The following EIF4E variants were observed in gnomAD, a reference collection of about 807,000 sequenced individuals.
The protein encoded by EIF4E is eIF-4F 25 kDa subunit.
For synonymous variants in EIF4E, 71 were observed against 88.5 expected, an observed-to-expected ratio of 0.80 and a Z score of 1.11; for missense variants, 113 against 265.6, an observed-to-expected ratio of 0.43 and a Z score of 3.99.
At chr4:98,903,511 C>CT (rs1724735933) in intron 1 of EIF4E, 4 of 454,892 alleles carry the variant, frequency 8.8e-6, no homozygotes, top group Non-Finnish European at 1.8e-5. Flanking sequence ...CTGGCTAATT[C>CT]TTTTTTATTT....
intron 6 of EIF4E, among the ~76,000 whole-genome samples, chr4:98,883,166 G>A (rs79128196): frequency 0.086 from 13,028 of 151,694 alleles, 1,237 homozygotes; most frequent in East Asian, 0.49. Context: ...CAGCTATTCA[G>A]GAGGCTGAGG....
intron 2 of EIF4E, among the ~76,000 whole-genome samples, chr4:98,901,233 T>G (rs1724634791): frequency 6.6e-6 from 1 of 151,740 alleles, no homozygotes; most frequent in South Asian, 2.1e-4. Context: ...GTTTCGCTCT[T>G]GTTGCCCAGG....
intron 1 of EIF4E, among the ~76,000 whole-genome samples, chr4:98,923,813 T>C (rs1040240273): frequency 6.6e-6 from 1 of 152,236 alleles, no homozygotes; most frequent in Non-Finnish European, 1.5e-5. Context: ...TGCATGGATA[T>C]ACATGAGTAT....
chr4:98,911,722 A>C (rs1163833097), intron 1 of EIF4E, among the ~76,000 whole-genome samples: 1 of 151,286 alleles, frequency 6.6e-6, no homozygotes, highest in Non-Finnish European at 1.5e-5. Flanking sequence ...TTTTAAAATA[A>C]ATTTTTTTAA....
At chr4:98,884,404 A>T (rs1008596808) in intron 6 of EIF4E, among the ~76,000 whole-genome samples, 1 of 152,142 alleles carries the variant, frequency 6.6e-6, no homozygotes, top group Non-Finnish European at 1.5e-5. Context: ...TTACAGAAAT[A>T]AAAAACATAT....
At chr4:98,921,480 T>C (rs1031496821) in intron 1 of EIF4E, among the ~76,000 whole-genome samples, 6 of 152,078 alleles carry the variant, frequency 3.9e-5, no homozygotes, top group Non-Finnish European at 8.8e-5. Context: ...GCAATTCTCT[T>C]GCTTCAGTCT....
At chr4:98,920,957 T>C (rs534916866) in intron 1 of EIF4E, among the ~76,000 whole-genome samples, 13 of 152,320 alleles carry the variant, frequency 8.5e-5, no homozygotes, top group Admixed American at 6.5e-4. Context: ...TTACACAAGA[T>C]AGTAATAAAG....
At chr4:98,904,026 A>G (rs1724758168) in intron 1 of EIF4E, among the ~76,000 whole-genome samples, 1 of 152,208 alleles carries the variant, frequency 6.6e-6, no homozygotes, top group African/African-American at 2.4e-5. Flanking sequence ...GCTGTAGATG[A>G]GAAGTGGGCT....
At chr4:98,911,823 CTG>C (rs1470161825) in intron 1 of EIF4E, among the ~76,000 whole-genome samples, 6 of 150,320 alleles carry the variant, frequency 4.0e-5, no homozygotes, top group African/African-American at 1.2e-4. Context: ...CAAATTCAGT[CTG>C]GGTTTGGGGA....
chr4:98,891,197 G>T (rs1012545743), intron 3 of EIF4E, 40 bp downstream of exon 3: 2 of 1,600,188 alleles, frequency 1.2e-6, no homozygotes, highest in Non-Finnish European at 8.6e-7. Context: ...ACTACACAAC[G>T]AATAAAACAA....
chr4:98,918,873 T>C (rs1317807352), intron 1 of EIF4E, among the ~76,000 whole-genome samples: 1 of 152,234 alleles, frequency 6.6e-6, no homozygotes, highest in African/African-American at 2.4e-5. Context: ...AAATCTCTAT[T>C]AAAAGTTAAA....
intron 1 of EIF4E, among the ~76,000 whole-genome samples, chr4:98,919,599 C>T (rs1725559906): frequency 6.8e-6 from 1 of 146,602 alleles, no homozygotes; most frequent in African/African-American, 2.5e-5. Context: ...TGCTCTATCA[C>T]CCAGGCTGGC....
intron 1 of EIF4E, among the ~76,000 whole-genome samples, chr4:98,925,110 T>C (rs1725814298): frequency 6.6e-6 from 1 of 152,210 alleles, no homozygotes; most frequent in Admixed American, 6.5e-5. Flanking sequence ...TTTACTCTTA[T>C]TAATAAGCTG....
At chr4:98,901,312 C>G (rs1724638600) in intron 2 of EIF4E, among the ~76,000 whole-genome samples, 1 of 152,092 alleles carries the variant, frequency 6.6e-6, no homozygotes, top group Non-Finnish European at 1.5e-5. Context: ...ATTATCTCAC[C>G]TCAGCCTCCC....
At chr4:98,892,159 C>G (rs1724167946) in intron 2 of EIF4E, among the ~76,000 whole-genome samples, 2 of 151,026 alleles carry the variant, frequency 1.3e-5, no homozygotes, top group Non-Finnish European at 2.9e-5. Context: ...CCAGCCTGAT[C>G]AACATGGAGA....
Position 98,901,994 on chromosome 4 carries a change from T to C in EIF4E, c.19-12A>G. The C allele has an allele frequency of 6.3e-7, 1 of 1,599,980 alleles. No homozygotes were observed. Among genetic ancestry groups the C allele is most frequent in the Non-Finnish European group, 8.6e-7 (1 of 1,167,366 alleles). ...GTAGGGGTGGTTTCCTAGTGGAAAATAATATAAAACATTATTTTAAATGTC... is the reference window on the plus strand; with the variant it reads ...GTAGGGGTGGTTTCCTAGTGGAAAACAATATAAAACATTATTTTAAATGTC... On this transcript the variant is annotated splice_polypyrimidine_tract_variant and intron_variant, in intron 1 of 6. Coordinates refer to ENST00000450253, the MANE Select transcript of EIF4E (RefSeq NM_001968.5).
At chr4:98,903,971 T>C (rs1011722827) in intron 1 of EIF4E, among the ~76,000 whole-genome samples, 6 of 152,168 alleles carry the variant, frequency 3.9e-5, no homozygotes, top group Non-Finnish European at 7.3e-5. Context: ...AATGAGAGAC[T>C]GGCAGGCAGG....
chr4:98,928,836 C>T (rs1721346034), intron 1 of EIF4E: 1 of 1,529,978 alleles, frequency 6.5e-7, no homozygotes, highest in Admixed American at 2.0e-5. Context: ...CTCGCGGTTC[C>T]GCAGGAGGCG....
At chr4:98,899,054 TA>T (rs545359007) in intron 2 of EIF4E, among the ~76,000 whole-genome samples, 4,091 of 138,298 alleles carry the variant, frequency 0.03, 145 homozygotes, top group African/African-American at 0.09. Context: ...TAAAGACCTC[TA>T]AAAAAAAAAA....
Sources: gnomAD v4.1 joint callset for allele counts (sites outside exome capture counted in the v4.1 genomes callset) on GRCh38, gnomAD v4.1.1 for gene constraint, MANE v1.5 for transcripts, NCBI Gene and HGNC (gene_info 2026-07-23, HGNC 2026-07-21) for gene names.